GSK3B: variants seen among roughly 807,000 people sequenced by gnomAD.
GSK3B encodes the protein glycogen synthase kinase 3 beta.
A neutral mutation model predicts 56.4 loss-of-function variants in GSK3B; 15 were observed. The ratio of observed to expected loss-of-function variants is 0.27; its 90% CI spans 0.18 to 0.41. The LOEUF (loss-of-function observed/expected upper bound fraction) is 0.41. Among genes scored for constraint, GSK3B ranks in the 10% least tolerant of loss-of-function variants. GSK3B has a pLI of 1.00. For synonymous variants in GSK3B, 181 were observed against 188.9 expected (o/e 0.96, Z 0.34); for missense variants, 300 against 513.4 (o/e 0.58, Z 4.02).
intron 2 of GSK3B, among the ~76,000 whole-genome samples, chr3:119,965,950 T>C (rs1020029079): frequency 2.8e-4 from 42 of 152,224 alleles, no homozygotes; most frequent in African/African-American, 9.6e-4. Context: ...TCTTGTAGGT[T>C]CTCTAAGATT....
At chr3:119,947,594 A>G (rs1184404468) in intron 2 of GSK3B, among the ~76,000 whole-genome samples, 1 of 152,194 alleles carries the variant, frequency 6.6e-6, no homozygotes, top group Non-Finnish European at 1.5e-5. Context: ...TTTTATAACA[A>G]TGAGAGAATA....
intron 1 of GSK3B, among the ~76,000 whole-genome samples, chr3:120,038,768 C>G (rs1438400681): frequency 6.6e-6 from 1 of 151,568 alleles, no homozygotes; most frequent in Non-Finnish European, 1.5e-5. Context: ...ATCCAAGTAA[C>G]CTTTGGTTTG....
At chr3:120,053,457 G>A (rs745970378) in intron 1 of GSK3B, among the ~76,000 whole-genome samples, 15 of 152,138 alleles carry the variant, frequency 9.9e-5, no homozygotes, top group Non-Finnish European at 1.9e-4. Flanking sequence ...CTAACAATTT[G>A]GTAATGTGGA....
chr3:119,912,895 T>A (rs559562157), intron 5 of GSK3B, 85 bp from the exon 6 acceptor site: 2 of 551,146 alleles, frequency 3.6e-6, no homozygotes, highest in South Asian at 6.6e-5. Flanking sequence ...TTTCACAGTA[T>A]CAAATGATTT....
At chr3:119,851,980 T>C (rs1476267088) in intron 9 of GSK3B, among the ~76,000 whole-genome samples, 2 of 152,220 alleles carry the variant, frequency 1.3e-5, no homozygotes, top group Non-Finnish European at 1.5e-5. Context: ...TATTTCCTTG[T>C]AGATGAATGA....
At chr3:120,057,903 A>G (rs761154762) in intron 1 of GSK3B, among the ~76,000 whole-genome samples, 41 of 152,072 alleles carry the variant, frequency 2.7e-4, no homozygotes, top group Non-Finnish European at 1.3e-4. Flanking sequence ...GAGAGTCAGA[A>G]GCCCAAACTG....
chr3:119,968,869 T>C (rs1253945168), intron 2 of GSK3B, among the ~76,000 whole-genome samples: 1 of 152,198 alleles, frequency 6.6e-6, no homozygotes, highest in Non-Finnish European at 1.5e-5. Flanking sequence ...AGTTGCAGGA[T>C]ACAAAATTAA....
chr3:119,910,204 T>C (rs1184838244), intron 6 of GSK3B, among the ~76,000 whole-genome samples: 2 of 152,204 alleles, frequency 1.3e-5, no homozygotes, highest in Non-Finnish European at 2.9e-5. Flanking sequence ...AGCTTTATGA[T>C]TCTAACAGTC....
At chr3:119,848,991 A>T (rs1253375134) in intron 9 of GSK3B, among the ~76,000 whole-genome samples, 2 of 152,218 alleles carry the variant, frequency 1.3e-5, no homozygotes, top group African/African-American at 4.8e-5. Flanking sequence ...ACTAAGGAAC[A>T]GAAAGCTCCT....
chr3:119,823,055 A>G lies in GSK3B; in HGVS notation c.*3733T>C. 4.3e-6 allele frequency: 1 copy of G among 229,892 alleles called. No individual in the cohort carries two copies. Among genetic ancestry groups the G allele is most frequent in the Non-Finnish European group, 8.6e-6 (1 of 115,910 alleles). The allele number at this position is 229,892 out of a possible 1,614,324, so 14.2% of individuals were successfully genotyped here. A position where few individuals can be genotyped will look rare whatever the true frequency, so the allele number is the denominator to read the frequency against. The stretch of plus-strand genomic sequence containing the variant: ...TCTAAAAATTAAGAGGACTTAAAAA[A>G]AATGACACAGCATGTCACTGGAAAG... On this transcript the variant is annotated 3_prime_UTR_variant, in exon 11 of 11. Coordinates refer to ENST00000264235, the MANE Select transcript of GSK3B (RefSeq NM_001146156.2).
intron 8 of GSK3B, among the ~76,000 whole-genome samples, chr3:119,868,966 C>T (rs1442767530): frequency 6.6e-6 from 1 of 152,018 alleles, no homozygotes; most frequent in Admixed American, 6.6e-5. Flanking sequence ...AGAAAGAAAT[C>T]AAGTCTACTT....
chr3:119,903,574 T>C (rs1276580802), intron 7 of GSK3B, among the ~76,000 whole-genome samples: 1 of 151,748 alleles, frequency 6.6e-6, no homozygotes, highest in African/African-American at 2.4e-5. Flanking sequence ...TAGCAGAAAA[T>C]GAATTACAAG....
chr3:120,071,805 T>C (rs545363951), intron 1 of GSK3B, among the ~76,000 whole-genome samples: 15 of 152,198 alleles, frequency 9.9e-5, no homozygotes, highest in South Asian at 6.2e-4. Flanking sequence ...CATGGAAAAA[T>C]TGTCTTCCAC....
intron 1 of GSK3B, among the ~76,000 whole-genome samples, chr3:120,033,381 T>C (rs1015811802): frequency 6.6e-6 from 1 of 152,356 alleles, no homozygotes; most frequent in Middle Eastern, 3.4e-3. Flanking sequence ...TATGTGTGTA[T>C]TTTAAGAACT....
chr3:119,906,064 T>C (rs1290208491), intron 6 of GSK3B, among the ~76,000 whole-genome samples: 1 of 152,114 alleles, frequency 6.6e-6, no homozygotes, highest in Non-Finnish European at 1.5e-5. Flanking sequence ...CCAATAAGAA[T>C]ATTCTAATAA....
At chr3:119,936,924 A>G (rs897858067) in intron 3 of GSK3B, among the ~76,000 whole-genome samples, 1 of 152,068 alleles carries the variant, frequency 6.6e-6, no homozygotes, top group Non-Finnish European at 1.5e-5. Context: ...CCACCCCCAA[A>G]TAGCAGAGAA....
chr3:119,912,681 A>G, intron 6 of GSK3B, 23 bp downstream of exon 6: 1 of 1,000,286 alleles, frequency 1.0e-6, no homozygotes, highest in South Asian at 1.5e-5. Context: ...AATTATGAGC[A>G]TTATATTCAG....
intron 2 of GSK3B, among the ~76,000 whole-genome samples, chr3:119,961,532 G>A (rs1487799137): frequency 1.3e-5 from 2 of 151,436 alleles, no homozygotes; most frequent in African/African-American, 2.4e-5. Flanking sequence ...GGAGGCTGAG[G>A]CACAAGAATC....
intron 1 of GSK3B, among the ~76,000 whole-genome samples, chr3:120,010,838 T>G (rs1172949717): frequency 3.3e-5 from 5 of 152,138 alleles, no homozygotes; most frequent in Non-Finnish European, 7.4e-5. Flanking sequence ...GAGGCCAAGG[T>G]GGGCGGATCA....
Sources: allele counts gnomAD v4.1 joint callset (sites outside exome capture counted in the v4.1 genomes callset), GRCh38; gene constraint gnomAD v4.1.1; transcripts MANE v1.5; gene names NCBI Gene and HGNC (gene_info 2026-07-23, HGNC 2026-07-21).